The following CNBD2 variants were observed in gnomAD, a reference collection of about 807,000 sequenced individuals.
CNBD2 encodes cyclic nucleotide-binding domain-containing protein 2.
Under a neutral mutation model 63.7 loss-of-function variants are expected in CNBD2, and 64 were observed. The observed-to-expected ratio is 1.00, with a 90% CI of 0.82 to 1.24. The LOEUF (loss-of-function observed/expected upper bound fraction) is 1.24. Ranked by LOEUF, CNBD2 falls within the 50% of genes most tolerant of loss-of-function variation. The probability of loss-of-function intolerance (pLI) is 0.00; values close to 1 mark genes in which losing one functional copy is unlikely to be tolerated. For synonymous variants in CNBD2, 229 were observed against 255.4 expected (o/e 0.90, Z 0.99); for missense variants, 691 against 713.5 (o/e 0.97, Z 0.36).
intron 11 of CNBD2, among the ~76,000 whole-genome samples, chr20:36,030,050 A>G (rs1412950242): frequency 6.6e-6 from 1 of 152,164 alleles, no homozygotes; most frequent in Non-Finnish European, 1.5e-5. Flanking sequence ...GAGCTATTTT[A>G]CTTTCTAAGT....
chr20:36,006,385 C>T (rs1341891002), intron 8 of CNBD2, among the ~76,000 whole-genome samples: 1 of 151,476 alleles, frequency 6.6e-6, no homozygotes, highest in Non-Finnish European at 1.5e-5. Context: ...ATAGAGTGCA[C>T]ATATTTTATG....
At chr20:35,988,546 T>C (rs2056700417) in intron 7 of CNBD2, among the ~76,000 whole-genome samples, 1 of 152,210 alleles carries the variant, frequency 6.6e-6, no homozygotes, top group African/African-American at 2.4e-5. Flanking sequence ...AAATCATCCA[T>C]AAACCCATCA....
intron 2 of CNBD2, among the ~76,000 whole-genome samples, chr20:35,960,621 G>A (rs1385820913): frequency 6.6e-6 from 1 of 152,124 alleles, no homozygotes; most frequent in African/African-American, 2.4e-5. Flanking sequence ...CCAAAGTGCT[G>A]GGATTACAGG....
intron 5 of CNBD2, 82 bp downstream of exon 5, chr20:35,984,220 C>T (rs2056635685): frequency 1.4e-6 from 2 of 1,405,036 alleles, no homozygotes; most frequent in East Asian, 4.6e-5. Flanking sequence ...CTCAGCCAGG[C>T]CCAGTCCTGC....
chr20:35,990,223 T>C (rs1241550620), intron 7 of CNBD2, among the ~76,000 whole-genome samples: 1 of 152,196 alleles, frequency 6.6e-6, no homozygotes, highest in Non-Finnish European at 1.5e-5. Context: ...GCTTTGCTGA[T>C]TGTCTTAGGA....
intron 8 of CNBD2, among the ~76,000 whole-genome samples, chr20:35,998,124 C>T (rs938223835): frequency 1.3e-5 from 2 of 150,332 alleles, no homozygotes; most frequent in African/African-American, 4.9e-5. Context: ...TCACTTCATC[C>T]TCCACCCCCC....
intron 1 of CNBD2, among the ~76,000 whole-genome samples, chr20:35,969,614 C>T (rs930057118): frequency 6.6e-6 from 1 of 152,072 alleles, no homozygotes; most frequent in African/African-American, 2.4e-5. Flanking sequence ...TTTTTTCCCA[C>T]TCAAAATCAT....
chr20:36,008,144 G>T (rs925965395), intron 8 of CNBD2, among the ~76,000 whole-genome samples, 153 bp from the exon 9 acceptor site: 1 of 152,054 alleles, frequency 6.6e-6, no homozygotes, highest in Non-Finnish European at 1.5e-5. Flanking sequence ...TTACATGGAG[G>T]CCACAGTGTT....
intron 2 of CNBD2, chr20:35,973,023 C>T: frequency 4.0e-6 from 2 of 503,398 alleles, no homozygotes; most frequent in Non-Finnish European, 6.9e-6. Flanking sequence ...TGGACCAAGG[C>T]AGGCTCCACT....
chr20:36,022,672 C>T (rs2057232243), intron 10 of CNBD2, among the ~76,000 whole-genome samples: 1 of 145,660 alleles, frequency 6.9e-6, no homozygotes, highest in African/African-American at 2.5e-5. Flanking sequence ...GCTCTGTTGC[C>T]CAGGCTGGAG....
At chr20:35,966,342 C>T (rs1213017564), upstream of CNBD2, among the ~76,000 whole-genome samples, 1 of 152,142 alleles carries the variant, frequency 6.6e-6, no homozygotes, top group African/African-American at 2.4e-5. Context: ...TCTTTCTTCT[C>T]AGCTGTCCAG....
chr20:35,980,639 G>A lies in CNBD2; in HGVS notation c.407+17G>A, dbSNP rs1255728984. 3.1e-6 allele frequency: 5 copies of A among 1,611,556 alleles called. No homozygotes were observed. Among genetic ancestry groups the A allele is most frequent in the Non-Finnish European group, 3.4e-6 (4 of 1,179,546 alleles). On this transcript the variant is annotated intron_variant, in intron 4 of 11. Coordinates refer to ENST00000373973, the MANE Select transcript of CNBD2 (RefSeq NM_001365709.1). Reference sequence around the variant, plus strand: ...CTTTGAACGGTCAGTGAGGGGCACAGCCCTTGGCCACCAGGCTGAGGCTGG... The same window carrying A: ...CTTTGAACGGTCAGTGAGGGGCACAACCCTTGGCCACCAGGCTGAGGCTGG...
intron 4 of CNBD2, among the ~76,000 whole-genome samples, chr20:35,983,112 G>T (rs1016138504): frequency 6.6e-6 from 1 of 150,936 alleles, no homozygotes; most frequent in African/African-American, 2.4e-5. Context: ...ACTTTGCAAG[G>T]CCAAGGTGGG....
At chr20:36,015,684 A>T (rs528379802) in intron 10 of CNBD2, among the ~76,000 whole-genome samples, 20 of 152,370 alleles carry the variant, frequency 1.3e-4, no homozygotes, top group African/African-American at 3.8e-4. Context: ...CCAATGGTCA[A>T]AGCTGAAACA....
intron 7 of CNBD2, among the ~76,000 whole-genome samples, chr20:35,989,771 C>T (rs981336356): frequency 2.0e-5 from 3 of 151,634 alleles, no homozygotes; most frequent in Admixed American, 6.6e-5. Context: ...ACTCAGGAGA[C>T]TCATGCAGGA....
At chr20:36,017,269 T>A (rs936614596) in intron 10 of CNBD2, among the ~76,000 whole-genome samples, 1 of 152,102 alleles carries the variant, frequency 6.6e-6, no homozygotes, top group Admixed American at 6.6e-5. Flanking sequence ...CAGAGGGCTG[T>A]CTCCTGAAGC....
chr20:36,027,917 C>T (rs922172581), intron 11 of CNBD2, among the ~76,000 whole-genome samples: 4 of 152,122 alleles, frequency 2.6e-5, no homozygotes, highest in Non-Finnish European at 5.9e-5. Flanking sequence ...CCGCCCACCT[C>T]GGCCTCCCAA....
chr20:35,984,279 A>C (rs759513220), intron 5 of CNBD2, 141 bp downstream of exon 5: 4 of 837,038 alleles, frequency 4.8e-6, no homozygotes, highest in Admixed American at 3.0e-5. Flanking sequence ...TTACCTGTCA[A>C]ATGCTAATTG....
chr20:35,982,720 G>T, intron 4 of CNBD2, among the ~76,000 whole-genome samples: 1 of 151,122 alleles, frequency 6.6e-6, no homozygotes, highest in South Asian at 2.1e-4. Flanking sequence ...GTTGTTCATT[G>T]TGCCCAATTT....
Sources: allele counts gnomAD v4.1 joint callset (sites outside exome capture counted in the v4.1 genomes callset), GRCh38; gene constraint gnomAD v4.1.1; transcripts MANE v1.5; gene names NCBI Gene and HGNC (gene_info 2026-07-23, HGNC 2026-07-21).